The following CCND3 variants were observed in gnomAD, a reference collection of about 807,000 sequenced individuals.
CCND3 encodes the protein G1/S-specific cyclin-D3.
A neutral mutation model predicts 28.7 loss-of-function variants in CCND3; 9 were observed. The ratio of observed to expected loss-of-function variants is 0.31; its 90% CI spans 0.19 to 0.55. The LOEUF (loss-of-function observed/expected upper bound fraction) is 0.55. CCND3 is among the 20% of genes least tolerant of loss of function. The pLI, the probability that CCND3 is intolerant of heterozygous loss-of-function variation, is 0.93. For synonymous variants in CCND3, 164 were observed against 163.9 expected (o/e 1.00, Z 0.00); for missense variants, 315 against 385.8 (o/e 0.82, Z 1.54).
rs192495673 is a variant in CCND3, at chr6:42,028,853, G to A, written c.-46+19648C>T. Reference sequence around the variant, plus strand: ...GGCACACAGCAAGTGTTCAATACACGTTCGTGTTCGCTATTTTCAAGGCCA... The same window carrying A: ...GGCACACAGCAAGTGTTCAATACACATTCGTGTTCGCTATTTTCAAGGCCA... On this transcript the variant is annotated intron_variant, in intron 1 of 4. Coordinates refer to the CCND3 transcript ENST00000372988. Among the ~76,000 whole-genome samples the A allele has an allele frequency of 3.3e-4, 50 of 152,334 alleles. 1 individual carries two copies. The highest frequency in any genetic ancestry group is 1.2e-3 in the African/African-American group (48 of 41,576).
At position 41,970,912 on chromosome 6, in the gene CCND3, G is replaced by C. The variant is rs1321777150; in HGVS notation, c.-45-30327C>G. ...CTCTTTTTTCCACAAACTTGCTCCA[G>C]TTTCTTTTTTTTTTCCCCCCCTTGA... On this transcript the variant is annotated intron_variant, in intron 1 of 4. Transcript: ENST00000372988. Among the ~76,000 whole-genome samples, 4 of 145,464 alleles carry C rather than the reference G, an allele frequency of 2.7e-5. No individual in the cohort carries two copies. The South Asian group carries it at 6.7e-4, about 24-fold the overall frequency.
chr6:42,043,967 G>A (rs767817122), intron 1 of CCND3, among the ~76,000 whole-genome samples: 2 of 152,190 alleles, frequency 1.3e-5, no homozygotes, highest in South Asian at 2.1e-4. Context: ...GGCCCCTTCC[G>A]GGAGATGACA....
chr6:41,946,055 T>G (rs1412440941), upstream of CCND3, among the ~76,000 whole-genome samples: 1 of 152,148 alleles, frequency 6.6e-6, no homozygotes, highest in Non-Finnish European at 1.5e-5. Flanking sequence ...GTCTAGCGTA[T>G]GGAGAGGACC....
At chr6:42,004,575 A>G (rs1763123390) in intron 1 of CCND3, among the ~76,000 whole-genome samples, 1 of 152,086 alleles carries the variant, frequency 6.6e-6, no homozygotes, top group Non-Finnish European at 1.5e-5. Context: ...TACTAAAAAT[A>G]CAAAAAAATA....
At chr6:41,982,825 T>G (rs976123680) in intron 1 of CCND3, among the ~76,000 whole-genome samples, 14 of 140,198 alleles carry the variant, frequency 1.0e-4, no homozygotes, top group Admixed American at 1.5e-4. Flanking sequence ...GGCAATACAA[T>G]GAAGTGAAGA....
intron 1 of CCND3, among the ~76,000 whole-genome samples, chr6:42,022,890 TC>T (rs113258681): frequency 0.015 from 2,358 of 152,244 alleles, 57 homozygotes; most frequent in African/African-American, 0.053. Flanking sequence ...AAGAGCTGGC[TC>T]GGGGTGCTGG....
intron 1 of CCND3, among the ~76,000 whole-genome samples, chr6:42,040,102 G>A (rs985855775): frequency 1.3e-5 from 2 of 152,210 alleles, no homozygotes; most frequent in African/African-American, 2.4e-5. Context: ...GCACACACAC[G>A]TGTGTGGTGC....
chr6:41,936,238 C>A lies in CCND3; in HGVS notation c.712-131G>T. 9.9e-7 allele frequency: 1 copy of A among 1,007,002 alleles called. No homozygotes were observed. Among genetic ancestry groups the A allele is most frequent in the Non-Finnish European group, 1.4e-6 (1 of 700,594 alleles). 62.4% of individuals were successfully genotyped at this position (1,007,002 alleles called of 1,614,324 possible). A position where few individuals can be genotyped will look rare whatever the true frequency, so the allele number is the denominator to read the frequency against. ...TAGGCCACAGCCCGGCCCCAGGAAT[C>A]GCTCTTTAGTTCTCAGAAACTAGCA... On this transcript the variant is annotated intron_variant, in intron 4 of 4. Coordinates refer to ENST00000372991, the MANE Select transcript of CCND3 (RefSeq NM_001760.5). This position sits in a 1 kb window ranked among gnomAD's most constrained non-coding sequence, Gnocchi z 4.4.
At chr6:41,982,106 C>G (rs918368523) in intron 1 of CCND3, among the ~76,000 whole-genome samples, 1 of 151,488 alleles carries the variant, frequency 6.6e-6, no homozygotes, top group Non-Finnish European at 1.5e-5. Flanking sequence ...CCTGTCTCTA[C>G]TAAAAATACA....
In CCND3 at chr6:41,937,684, G is replaced by C. The variant is rs367891743; in HGVS notation, c.415-290C>G. 7.1e-5 allele frequency: 30 copies of C among 423,910 alleles called. No individual in the cohort carries two copies. The East Asian group carries it at 1.1e-3, about 16-fold the overall frequency. 26.3% of individuals were successfully genotyped at this position (423,910 alleles called of 1,614,324 possible). On this transcript the variant is annotated intron_variant, in intron 2 of 4. Coordinates refer to ENST00000372991, the MANE Select transcript of CCND3 (RefSeq NM_001760.5). ...TATGTTTAAGGGGCCAATAATCCAGGCCTTCTCCTGACTTCATTCAGGGCT... is the reference window on the plus strand; with the variant it reads ...TATGTTTAAGGGGCCAATAATCCAGCCCTTCTCCTGACTTCATTCAGGGCT...
At chr6:42,020,545 A>G (rs1453429663) in intron 1 of CCND3, among the ~76,000 whole-genome samples, 2 of 152,126 alleles carry the variant, frequency 1.3e-5, no homozygotes, top group African/African-American at 4.8e-5. Context: ...TGGCCTTGCC[A>G]GGATGGTCAT....
rs575096401 is a variant in CCND3, at chr6:41,947,167, G to A, written c.-45-6582C>T. Among the ~76,000 whole-genome samples, 18 of 151,898 alleles carry A rather than the reference G, an allele frequency of 1.2e-4. 1 individual carries two copies. The highest frequency in any genetic ancestry group is 2.6e-4 in the Admixed American group (4 of 15,262). On this transcript the variant is annotated intron_variant, in intron 1 of 4. Coordinates refer to the CCND3 transcript ENST00000372988. ...ACCCACCAGGTAGAGGTTGCAGTGAGCTGAGATCGCGCCACTGCACTCCAG... is the reference window on the plus strand; with the variant it reads ...ACCCACCAGGTAGAGGTTGCAGTGAACTGAGATCGCGCCACTGCACTCCAG...
chr6:41,990,365 TA>T (rs1762611262), intron 1 of CCND3, among the ~76,000 whole-genome samples: 2 of 152,070 alleles, frequency 1.3e-5, no homozygotes, highest in Admixed American at 1.3e-4. Context: ...AAAATGATCG[TA>T]TTACCAAAAG....
intron 1 of CCND3, among the ~76,000 whole-genome samples, chr6:41,951,402 A>G: frequency 6.8e-6 from 1 of 147,770 alleles, no homozygotes; most frequent in East Asian, 2.0e-4. Flanking sequence ...AATATACAAA[A>G]AATTAGCCGG....
At chr6:42,036,405 T>TATATA (rs1561998081) in intron 1 of CCND3, among the ~76,000 whole-genome samples, 3 of 46,484 alleles carry the variant, frequency 6.5e-5, no homozygotes, top group Admixed American at 3.1e-4. Flanking sequence ...ATATATATAT[T>TATATA]TTTTTTTTTT....
At chr6:42,001,425 A>G (rs1359588243) in intron 1 of CCND3, among the ~76,000 whole-genome samples, 1 of 147,842 alleles carries the variant, frequency 6.8e-6, no homozygotes, top group African/African-American at 2.5e-5. Flanking sequence ...CAAGTTAGCA[A>G]TAAAAAGGAA....
chr6:41,981,521 C>T (rs1019562262), intron 1 of CCND3, among the ~76,000 whole-genome samples: 2 of 146,294 alleles, frequency 1.4e-5, no homozygotes, highest in African/African-American at 2.5e-5. Flanking sequence ...CCACGCCCAG[C>T]CTATTTATTT....
At chr6:42,043,868 G>A (rs1368780847) in intron 1 of CCND3, among the ~76,000 whole-genome samples, 1 of 152,212 alleles carries the variant, frequency 6.6e-6, no homozygotes, top group Non-Finnish European at 1.5e-5. Context: ...CCTCACCTCA[G>A]GAACGACTGT....
At position 41,935,920 on chromosome 6, in the gene CCND3, T is replaced by A. The variant is rs2127389103; in HGVS notation, c.*20A>T. On this transcript the variant is annotated 3_prime_UTR_variant, in exon 5 of 5. Transcript: ENST00000372991. ...GGCCCCTCCTCTGCTTAGTGGCCAC[T>A]CCAGAGGGCCTCTCCAGGGCTACAG... The A allele has an allele frequency of 6.3e-7, 1 of 1,597,620 alleles. No individual in the cohort carries two copies.
Sources: allele counts gnomAD v4.1 joint callset (sites outside exome capture counted in the v4.1 genomes callset), GRCh38; gene constraint gnomAD v4.1.1; non-coding constraint Gnocchi (gnomAD v3.1); transcripts MANE v1.5; gene names NCBI Gene and HGNC (gene_info 2026-07-23, HGNC 2026-07-21).